The following TAFA1 variants were observed in gnomAD, a reference collection of about 807,000 sequenced individuals.
TAFA1 encodes chemokine-like protein TAFA-1.
TAFA1 carries 4 observed loss-of-function variants against 18.5 expected under a neutral mutation model. That is an observed-to-expected ratio of 0.22 (90% CI 0.11 to 0.49). The LOEUF is 0.49. Among genes scored for constraint, TAFA1 ranks in the 20% least tolerant of loss-of-function variants. The pLI, the probability that TAFA1 is intolerant of heterozygous loss-of-function variation, is 0.98. For missense variants in TAFA1, 147 were observed against 169.0 expected (o/e 0.87, Z 0.72); for synonymous variants, 56 against 55.2 (o/e 1.01, Z -0.06).
intron 3 of TAFA1, among the ~76,000 whole-genome samples, chr3:68,516,128 A>G (rs1215706299): frequency 6.6e-6 from 1 of 152,200 alleles, no homozygotes; most frequent in Non-Finnish European, 1.5e-5. Flanking sequence ...TTCTCTCACA[A>G]TCCAAAGCAG....
chr3:68,060,204 T>G (rs73108711), intron 2 of TAFA1, among the ~76,000 whole-genome samples: 31 of 150,006 alleles, frequency 2.1e-4, no homozygotes, highest in South Asian at 1.1e-3. Flanking sequence ...GTGTGTGTGT[T>G]TGTGTGTGTG....
At chr3:68,412,381 A>G (rs2070734957) in intron 2 of TAFA1, among the ~76,000 whole-genome samples, 1 of 149,676 alleles carries the variant, frequency 6.7e-6, no homozygotes, top group South Asian at 2.1e-4. Context: ...ATATTCTTTT[A>G]TTATTATTAT....
At chr3:68,008,214 C>A (rs1704402500) in intron 2 of TAFA1, among the ~76,000 whole-genome samples, 1 of 152,178 alleles carries the variant, frequency 6.6e-6, no homozygotes, top group East Asian at 1.9e-4. Context: ...CTGAGCCTGG[C>A]GCGGGAACCG....
chr3:68,272,795 G>A (rs1390007555), intron 2 of TAFA1, among the ~76,000 whole-genome samples: 1 of 152,174 alleles, frequency 6.6e-6, no homozygotes, highest in Non-Finnish European at 1.5e-5. Flanking sequence ...GTCAGGCCAA[G>A]CAATGAGCAG....
intron 2 of TAFA1, among the ~76,000 whole-genome samples, chr3:68,394,397 A>G (rs554349049): frequency 6.6e-6 from 1 of 152,328 alleles, no homozygotes; most frequent in South Asian, 2.1e-4. Flanking sequence ...TATAGATTCA[A>G]TGCTATCCCA....
At chr3:68,049,093 T>C (rs937161757) in intron 2 of TAFA1, among the ~76,000 whole-genome samples, 4 of 152,198 alleles carry the variant, frequency 2.6e-5, no homozygotes, top group African/African-American at 9.6e-5. Context: ...CATTTTTTAC[T>C]GCACATTTCT....
intron 2 of TAFA1, among the ~76,000 whole-genome samples, chr3:68,078,398 A>G (rs1447844088): frequency 6.6e-6 from 1 of 152,164 alleles, no homozygotes; most frequent in Non-Finnish European, 1.5e-5. Flanking sequence ...CAGTTTTCAA[A>G]GGGAATGCTT....
At chr3:68,040,952 G>T (rs73837253) in intron 2 of TAFA1, among the ~76,000 whole-genome samples, 2,828 of 152,158 alleles carry the variant, frequency 0.019, 98 homozygotes, top group African/African-American at 0.065. Context: ...GAAGATTCCA[G>T]TGCTCTCAGT....
rs888204767 is a variant in TAFA1, at chr3:68,061,351, T to A, written c.118+54607T>A. On this transcript the variant is annotated intron_variant, in intron 2 of 4. Coordinates refer to ENST00000478136, the MANE Select transcript of TAFA1 (RefSeq NM_213609.4). ...TTTCTCTGTTTGTATAAACTTCCCA[T>A]TTCAGGAATTCTACATGTAATTCAG... Among the ~76,000 whole-genome samples, 4 of 152,324 alleles carry A rather than the reference T, an allele frequency of 2.6e-5. No homozygotes were observed. The South Asian group carries it at 6.2e-4, about 24-fold the overall frequency.
chr3:68,423,457 G>T (rs747724501), intron 3 of TAFA1, among the ~76,000 whole-genome samples: 176 of 152,082 alleles, frequency 1.2e-3, no homozygotes, highest in Non-Finnish European at 1.9e-3. Context: ...TAACTGACAT[G>T]AACACAAGTT....
At chr3:68,312,799 C>A (rs555152092) in intron 2 of TAFA1, among the ~76,000 whole-genome samples, 1 of 152,310 alleles carries the variant, frequency 6.6e-6, no homozygotes, top group African/African-American at 2.4e-5. Flanking sequence ...TTTTCATCAG[C>A]ACCCCACTCA....
At chr3:68,113,888 GTTTTTTTTGTTTTTTTTTTTT>G (rs1323748332) in intron 2 of TAFA1, among the ~76,000 whole-genome samples, 1 of 57,862 alleles carries the variant, frequency 1.7e-5, no homozygotes, top group African/African-American at 7.1e-5. Flanking sequence ...TTGGGGTGTA[GTTTTTTTTGTTTTTTTTTTTT>G]TTTTTTTTTT....
chr3:68,344,494 G>A (rs1424919391), intron 2 of TAFA1, among the ~76,000 whole-genome samples: 3 of 152,182 alleles, frequency 2.0e-5, no homozygotes, highest in Non-Finnish European at 4.4e-5. Context: ...CCAGAGTACA[G>A]ACGTGTGTGA....
intron 2 of TAFA1, among the ~76,000 whole-genome samples, chr3:68,395,340 G>C (rs1236817709): frequency 1.3e-5 from 2 of 152,166 alleles, no homozygotes; most frequent in African/African-American, 4.8e-5. Flanking sequence ...TACACTGTTG[G>C]TGAGAGTGTA....
intron 3 of TAFA1, among the ~76,000 whole-genome samples, chr3:68,498,660 A>T (rs777117538): frequency 1.0e-4 from 15 of 150,460 alleles, no homozygotes; most frequent in Non-Finnish European, 1.6e-4. Context: ...GGCTGATTCA[A>T]GTAGAGGATT....
At chr3:68,086,427 G>A (rs549098639) in intron 2 of TAFA1, among the ~76,000 whole-genome samples, 4 of 152,290 alleles carry the variant, frequency 2.6e-5, no homozygotes, top group African/African-American at 4.8e-5. Context: ...TCAGCAGCAT[G>A]TGTATTTTGT....
intron 2 of TAFA1, among the ~76,000 whole-genome samples, chr3:68,304,615 C>T (rs1240121679): frequency 6.6e-6 from 1 of 152,068 alleles, no homozygotes; most frequent in East Asian, 1.9e-4. Flanking sequence ...AAATTCTTTA[C>T]CATTGTTTCA....
intron 2 of TAFA1, among the ~76,000 whole-genome samples, chr3:68,404,509 A>G (rs986620484): frequency 6.6e-6 from 1 of 152,178 alleles, no homozygotes; most frequent in African/African-American, 2.4e-5. Flanking sequence ...GACCAAAAAA[A>G]AGAGAAAGGG....
At chr3:68,206,219 G>A (rs113753185) in intron 2 of TAFA1, among the ~76,000 whole-genome samples, 5 of 151,900 alleles carry the variant, frequency 3.3e-5, no homozygotes, top group African/African-American at 1.2e-4. Flanking sequence ...TTAAGGGGAT[G>A]GAATGATGGC....
Sources: allele counts gnomAD v4.1 joint callset (sites outside exome capture counted in the v4.1 genomes callset), GRCh38; gene constraint gnomAD v4.1.1; transcripts MANE v1.5; gene names NCBI Gene and HGNC (gene_info 2026-07-23, HGNC 2026-07-21).